ASCC2: variants seen among roughly 807,000 people sequenced by gnomAD.
The protein encoded by ASCC2 is activating signal cointegrator 1 complex subunit 2, also known as ASC-1 complex subunit P100.
A neutral mutation model predicts 93.5 loss-of-function variants in ASCC2; 42 were observed. The observed-to-expected ratio is 0.45, with a 90% CI of 0.35 to 0.58. The LOEUF (loss-of-function observed/expected upper bound fraction) is 0.58. ASCC2 is among the 20% of genes least tolerant of loss of function. The probability of loss-of-function intolerance (pLI) is 0.00; values close to 1 mark genes in which losing one functional copy is unlikely to be tolerated. For synonymous variants in ASCC2, 364 were observed against 384.2 expected (o/e 0.95, Z 0.62); for missense variants, 859 against 977.6 (o/e 0.88, Z 1.62).
At position 29,789,203 on chromosome 22, in the gene ASCC2, A is replaced by AC; in HGVS notation, c.2103-20dup. On this transcript the variant is annotated intron_variant, in intron 19 of 19. Transcript: ENST00000307790. Reference sequence around the variant, plus strand: ...CCGGTACCTGAGGGAGGAACAACCCACCCCACGAGAACCTGTCAGCCGGAA... The same window carrying AC: ...CCGGTACCTGAGGGAGGAACAACCCACCCCCACGAGAACCTGTCAGCCGGAA... 3 of 1,613,438 alleles carry AC rather than the reference A, an allele frequency of 1.9e-6. No homozygotes were observed. The East Asian group carries it at 6.7e-5, about 36-fold the overall frequency.
At position 29,825,957 on chromosome 22, in the gene ASCC2, T is replaced by C. The variant is rs1469918617; in HGVS notation, c.82-177A>G. The C allele has an allele frequency of 3.3e-6, 2 of 603,462 alleles. No homozygotes were observed. The highest frequency in any genetic ancestry group is 5.9e-5 in the East Asian group (2 of 34,136). The allele number at this position is 603,462 out of a possible 1,614,324, so 37.4% of individuals were successfully genotyped here. A position where few individuals can be genotyped will look rare whatever the true frequency, so the allele number is the denominator to read the frequency against. ...GGGCATGGTTGCATTCAGCGAACAC[T>C]AGGCGGTAATTAAAATCCATGTTTT... On this transcript the variant is annotated intron_variant, in intron 2 of 19. Transcript: ENST00000307790. The surrounding 1 kb of genome is among the most constrained non-coding windows in gnomAD (Gnocchi z 4.9).
intron 15 of ASCC2, among the ~76,000 whole-genome samples, chr22:29,794,785 A>C (rs2058216472): frequency 6.6e-6 from 1 of 152,206 alleles, no homozygotes; most frequent in Non-Finnish European, 1.5e-5. Context: ...ATTCCCAAGG[A>C]AAACAAGCAA....
At chr22:29,805,889 A>G (rs987091169) in intron 12 of ASCC2, among the ~76,000 whole-genome samples, 3 of 150,774 alleles carry the variant, frequency 2.0e-5, no homozygotes, top group Non-Finnish European at 4.4e-5. Context: ...AAATCTTCCC[A>G]CGTGACACTC....
chr22:29,816,199 C>A, intron 5 of ASCC2, 126 bp from the exon 6 acceptor site: 10 of 777,948 alleles, frequency 1.3e-5, no homozygotes, highest in Non-Finnish European at 1.9e-5. Flanking sequence ...CTATCTGCAG[C>A]TAGGACCTAG....
At chr22:29,804,919 G>T in intron 12 of ASCC2, 89 bp from the exon 13 acceptor site, 1 of 1,416,462 alleles carries the variant, frequency 7.1e-7, no homozygotes, top group Non-Finnish European at 9.8e-7. Flanking sequence ...TGACCACATG[G>T]TTCCTGCCAG....
intron 8 of ASCC2, chr22:29,810,336 A>C (rs1162603365): frequency 6.6e-6 from 1 of 152,248 alleles, no homozygotes; most frequent in African/African-American, 2.4e-5. Flanking sequence ...CCAAAGCCGG[A>C]ACTGCAGCTT....
At chr22:29,799,353 G>T (rs2058805201) in intron 15 of ASCC2, 1 of 152,400 alleles carries the variant, frequency 6.6e-6, no homozygotes, top group African/African-American at 2.4e-5. Context: ...GGATCTGGGG[G>T]TGTTGCAATG....
At chr22:29,806,144 T>A (rs2059647723) in intron 12 of ASCC2, 72 bp downstream of exon 12, 3 of 1,524,884 alleles carry the variant, frequency 2.0e-6, no homozygotes, top group African/African-American at 2.7e-5. Flanking sequence ...CTCCTCTGGG[T>A]TCCAGCAGCC....
intron 8 of ASCC2, among the ~76,000 whole-genome samples, chr22:29,808,399 C>T: frequency 6.6e-6 from 1 of 152,168 alleles, no homozygotes; most frequent in South Asian, 2.1e-4. Context: ...ATAGCCATGT[C>T]CCTCATTCAG....
intron 18 of ASCC2, among the ~76,000 whole-genome samples, chr22:29,792,017 A>C (rs1300514303): frequency 1.3e-5 from 2 of 152,228 alleles, no homozygotes; most frequent in Non-Finnish European, 2.9e-5. Context: ...TTAAGATTTC[A>C]TTCAAATAAA....
At chr22:29,805,499 T>C (rs1376827055) in intron 12 of ASCC2, among the ~76,000 whole-genome samples, 2 of 152,164 alleles carry the variant, frequency 1.3e-5, no homozygotes, top group South Asian at 2.1e-4. Flanking sequence ...TTCCAAAGTA[T>C]AGAACTGCCC....
At chr22:29,796,468 C>G (rs1208920544) in intron 15 of ASCC2, among the ~76,000 whole-genome samples, 1 of 152,062 alleles carries the variant, frequency 6.6e-6, no homozygotes, top group Non-Finnish European at 1.5e-5. Context: ...AGGGAATGAA[C>G]TTGGTTCAGG....
rs780631424 is a variant in ASCC2 at position 29,793,424 on chromosome 22, T to C, written c.1855A>G (p.Thr619Ala). 4 of 1,614,142 alleles carry C rather than the reference T, an allele frequency of 2.5e-6. No individual in the cohort carries two copies. The highest frequency in any genetic ancestry group is 3.4e-6 in the Non-Finnish European group (4 of 1,180,036). ...GCGCCCACCTGGTTGCCATCGTATG[T>C]GTCATCGTACTCATCCTCGTAGTAG... ...SVYYEDEYDDTYDGNQVGAND... is the reference protein window; with the variant it reads ...SVYYEDEYDDAYDGNQVGAND... Residue 619 changes from threonine (T) to alanine (A), a missense_variant, in exon 17 of 20, where the codon ACA becomes GCA. Physicochemically the swap from Thr to Ala is moderately conservative, Grantham distance 58. Coordinates refer to ENST00000307790, the MANE Select transcript of ASCC2 (RefSeq NM_032204.5).
chr22:29,820,723 T>C (rs1000100839), intron 5 of ASCC2, among the ~76,000 whole-genome samples: 1 of 150,988 alleles, frequency 6.6e-6, no homozygotes, highest in Non-Finnish European at 1.5e-5. Flanking sequence ...TCACCTGAGG[T>C]CGGGAGTTCG....
intron 1 of ASCC2, among the ~76,000 whole-genome samples, chr22:29,833,822 TCA>T (rs1015515330): frequency 6.6e-6 from 1 of 151,644 alleles, no homozygotes; most frequent in African/African-American, 2.4e-5. Flanking sequence ...GTGTCATATC[TCA>T]GATATTGGGC....
intron 5 of ASCC2, among the ~76,000 whole-genome samples, chr22:29,819,168 G>GT (rs373346929): frequency 1.6e-4 from 24 of 151,176 alleles, no homozygotes; most frequent in East Asian, 1.4e-3. Flanking sequence ...AACCCAATTT[G>GT]TTTTTTTTTG....
chr22:29,838,227 C>A lies in ASCC2; in HGVS notation c.-67G>T, dbSNP rs747091730. 36 of 467,416 alleles carry A rather than the reference C, an allele frequency of 7.7e-5. No homozygotes were observed. Among genetic ancestry groups the A allele is most frequent in the South Asian group, 2.1e-4 (14 of 65,400 alleles). 29.0% of individuals were successfully genotyped at this position (467,416 alleles called of 1,614,324 possible). ...GTGCCGCCGCCGCCGCCGCCGCCGC[C>A]GACCACGGTGACAGCTCCCTGAGCG... On this transcript the variant is annotated 5_prime_UTR_variant, in exon 1 of 20. Transcript: ENST00000307790.
At chr22:29,829,975 G>T (rs2062922040) in intron 2 of ASCC2, among the ~76,000 whole-genome samples, 1 of 152,116 alleles carries the variant, frequency 6.6e-6, no homozygotes, top group Non-Finnish European at 1.5e-5. Flanking sequence ...ACAAATATAG[G>T]GTGGACACAT....
intron 15 of ASCC2, among the ~76,000 whole-genome samples, chr22:29,798,894 T>C (rs1206163704): frequency 6.6e-6 from 1 of 152,258 alleles, no homozygotes; most frequent in East Asian, 1.9e-4. Flanking sequence ...AACACATGAA[T>C]GGAGGCTTTG....
Sources: gnomAD v4.1 joint callset for allele counts (sites outside exome capture counted in the v4.1 genomes callset) on GRCh38, gnomAD v4.1.1 for gene constraint, Gnocchi (gnomAD v3.1) non-coding constraint, MANE v1.5 for transcripts, NCBI Gene and HGNC (gene_info 2026-07-23, HGNC 2026-07-21) for gene names.